Variants in VPS53 observed in about 807,000 individuals in gnomAD.
VPS53 encodes vacuolar protein sorting-associated protein 53 homolog.
Under a neutral mutation model 107.0 loss-of-function variants are expected in VPS53, and 70 were observed. That is an observed-to-expected ratio of 0.65 (90% CI 0.54 to 0.80). The LOEUF (loss-of-function observed/expected upper bound fraction) is 0.80, where lower values mean the gene tolerates loss of function less well. Among genes scored for constraint, VPS53 ranks in the 30% least tolerant of loss-of-function variants. The pLI is 0.00. For synonymous variants in VPS53, 409 were observed against 393.3 expected (o/e 1.04, Z -0.47); for missense variants, 917 against 1,049.4 (o/e 0.87, Z 1.74).
At chr17:678,674 C>G (rs1305607380) in intron 4 of VPS53, among the ~76,000 whole-genome samples, 3 of 151,424 alleles carry the variant, frequency 2.0e-5, no homozygotes, top group Admixed American at 1.3e-4. Context: ...GAGTCTCGCT[C>G]TGTCGCCCAG....
At chr17:653,432 A>G in intron 6 of VPS53, 22 bp from the exon 7 acceptor site, 2 of 1,613,860 alleles carry the variant, frequency 1.2e-6, no homozygotes, top group Non-Finnish European at 1.7e-6. Context: ...GAATAAGTTT[A>G]AAAGTCTAGA....
chr17:633,515 A>AC (rs1970049534), intron 7 of VPS53, among the ~76,000 whole-genome samples: 1 of 152,004 alleles, frequency 6.6e-6, no homozygotes, highest in South Asian at 2.1e-4. Flanking sequence ...ACCTGCTGAG[A>AC]TTTTTTTTCA....
At chr17:650,291 TGAAGACCAACCTGGGCAACATAA>T (rs1429507856) in intron 7 of VPS53, among the ~76,000 whole-genome samples, 1 of 152,062 alleles carries the variant, frequency 6.6e-6, no homozygotes, top group Admixed American at 6.5e-5. Context: ...GCCCAGGAGT[TGAAGACCAACCTGGGCAACATAA>T]GAAGATCCCA....
intron 12 of VPS53, among the ~76,000 whole-genome samples, chr17:592,483 T>C (rs1262469879): frequency 6.6e-6 from 1 of 152,194 alleles, no homozygotes; most frequent in Non-Finnish European, 1.5e-5. Flanking sequence ...TTCTTCGTAG[T>C]CTTGATGGTC....
intron 11 of VPS53, among the ~76,000 whole-genome samples, chr17:612,148 G>A (rs1968911787): frequency 6.6e-6 from 1 of 151,838 alleles, no homozygotes; most frequent in Non-Finnish European, 1.5e-5. Flanking sequence ...AATTCACACA[G>A]TGAAAACCTG....
intron 12 of VPS53, among the ~76,000 whole-genome samples, chr17:589,375 A>G (rs1967512229): frequency 6.6e-6 from 1 of 152,102 alleles, no homozygotes; most frequent in Non-Finnish European, 1.5e-5. Context: ...ATGGATGTTA[A>G]ATTTTCTGAT....
At chr17:594,060 C>A (rs1967820751) in intron 12 of VPS53, among the ~76,000 whole-genome samples, 1 of 151,256 alleles carries the variant, frequency 6.6e-6, no homozygotes, top group African/African-American at 2.4e-5. Context: ...ATCGCAAGAA[C>A]AAAAAACCAA....
chr17:518,287 G>GAC lies in VPS53; in HGVS notation c.*840_*841insGT, dbSNP rs1567593409. 4.6e-5 allele frequency: 7 copies of GAC among 152,038 alleles called. No individual in the cohort carries two copies. The highest frequency in any genetic ancestry group is 1.7e-4 in the African/African-American group (7 of 41,420). 9.4% of individuals were successfully genotyped at this position (152,038 alleles called of 1,614,324 possible). A position where few individuals can be genotyped will look rare whatever the true frequency, so the allele number is the denominator to read the frequency against. On this transcript the variant is annotated 3_prime_UTR_variant, in exon 22 of 22. Transcript: ENST00000437048. ...AGCCCGCGGTGGACAGGAAGGGCGG[G>GAC]GGGGGCGGGCAGGCTGCGTGCCAGG...
At chr17:694,894 C>T (rs537732270) in intron 4 of VPS53, among the ~76,000 whole-genome samples, 4 of 152,192 alleles carry the variant, frequency 2.6e-5, no homozygotes, top group East Asian at 3.9e-4. Flanking sequence ...TTCGTAGAGA[C>T]GTGTATTGCT....
chr17:658,373 G>A lies in VPS53; in HGVS notation c.373-2420C>T, dbSNP rs111631174. Among the ~76,000 whole-genome samples the A allele has an allele frequency of 3.5e-5, 5 of 141,800 alleles. No homozygotes were observed. In the East Asian group the frequency reaches 6.4e-4, roughly 18 times the overall value. 93.0% of individuals were successfully genotyped at this position (141,800 alleles called of 152,430 possible). A position where few individuals can be genotyped will look rare whatever the true frequency, so the allele number is the denominator to read the frequency against. ...TACATCCCACTGAAGTGAGAAACTC[G>A]GCCGTGAGTTCGTGGATAGATACAT... On this transcript the variant is annotated intron_variant, in intron 5 of 21. Coordinates refer to ENST00000437048, the MANE Select transcript of VPS53 (RefSeq NM_001128159.3).
At chr17:679,733 T>C (rs1972316541) in intron 4 of VPS53, among the ~76,000 whole-genome samples, 2 of 152,188 alleles carry the variant, frequency 1.3e-5, no homozygotes, top group South Asian at 4.1e-4. Context: ...AATGGGTCAA[T>C]TGTTTCAAAG....
chr17:578,587 G>T (rs560584177), intron 13 of VPS53, among the ~76,000 whole-genome samples: 3 of 130,236 alleles, frequency 2.3e-5, no homozygotes, highest in South Asian at 2.5e-4. Context: ...CAGAACCTCA[G>T]TGCGTTCCCA....
At chr17:581,840 G>A (rs1245993824) in intron 13 of VPS53, among the ~76,000 whole-genome samples, 5 of 150,556 alleles carry the variant, frequency 3.3e-5, no homozygotes, top group Non-Finnish European at 3.0e-5. Context: ...ACCTCAATGC[G>A]TTCCCAGAGA....
At chr17:533,872 C>T (rs1288311488) in intron 18 of VPS53, among the ~76,000 whole-genome samples, 3 of 151,408 alleles carry the variant, frequency 2.0e-5, no homozygotes, top group African/African-American at 4.9e-5. Flanking sequence ...CAGAGTCTCG[C>T]TCTGTCACCC....
chr17:667,232 C>T (rs929422707), intron 4 of VPS53, among the ~76,000 whole-genome samples: 1 of 151,998 alleles, frequency 6.6e-6, no homozygotes, highest in Non-Finnish European at 1.5e-5. Context: ...ACAACAGAGA[C>T]CATATGGTCA....
chr17:679,816 C>T (rs571252366), intron 4 of VPS53, among the ~76,000 whole-genome samples: 28 of 152,134 alleles, frequency 1.8e-4, no homozygotes, highest in African/African-American at 6.0e-4. Flanking sequence ...ATGGTCTCTG[C>T]GGTTGCAAAA....
At chr17:695,476 C>T (rs184851710) in intron 4 of VPS53, among the ~76,000 whole-genome samples, 4 of 152,246 alleles carry the variant, frequency 2.6e-5, no homozygotes, top group Non-Finnish European at 5.9e-5. Flanking sequence ...ACAAAGTCTT[C>T]AGTGTAGACA....
intron 19 of VPS53, among the ~76,000 whole-genome samples, chr17:527,010 G>A (rs1909170060): frequency 6.6e-6 from 1 of 152,204 alleles, no homozygotes. Flanking sequence ...AGGAGGGATG[G>A]AACAAGGTGG....
At chr17:548,783 G>A (rs532437566) in intron 17 of VPS53, among the ~76,000 whole-genome samples, 6 of 152,330 alleles carry the variant, frequency 3.9e-5, no homozygotes, top group East Asian at 1.9e-4. Flanking sequence ...GAATGAGATT[G>A]GCAGTTTGAA....
Sources: gnomAD v4.1 joint callset for allele counts (sites outside exome capture counted in the v4.1 genomes callset) on GRCh38, gnomAD v4.1.1 for gene constraint, MANE v1.5 for transcripts, NCBI Gene and HGNC (gene_info 2026-07-23, HGNC 2026-07-21) for gene names.